Variants in UBR2 observed in about 807,000 individuals in gnomAD.
UBR2 encodes the protein E3 ubiquitin-protein ligase UBR2.
A neutral mutation model predicts 247.9 loss-of-function variants in UBR2; 92 were observed. That is an observed-to-expected ratio of 0.37 (90% CI 0.31 to 0.44). The LOEUF is 0.44. Ranked by LOEUF, UBR2 falls within the 20% of genes least tolerant of loss-of-function variation. The probability of loss-of-function intolerance (pLI) is 1.00; values close to 1 mark genes in which losing one functional copy is unlikely to be tolerated. For missense variants in UBR2, 1,613 were observed against 2,112.6 expected (o/e 0.76, Z 4.64); for synonymous variants, 672 against 693.5 (o/e 0.97, Z 0.49).
In UBR2 at chr6:42,652,584, C is replaced by T; in HGVS notation, c.2708C>T (p.Thr903Ile). The T allele has an allele frequency of 6.2e-7, 1 of 1,613,856 alleles. No homozygotes were observed. The highest frequency in any genetic ancestry group is 2.2e-5 in the East Asian group (1 of 44,854). The stretch of plus-strand genomic sequence containing the variant: ...GATGTCATGTTGTGCATCATGGGAA[C>T]AATTCTGCAATGGGCTGTGGAACAT... Reference protein sequence around the residue: ...QSDVMLCIMGTILQWAVEHNG... With the variant: ...QSDVMLCIMGIILQWAVEHNG... Residue 903 changes from threonine (T) to isoleucine (I), a missense_variant, in exon 25 of 47, where the codon ACA becomes ATA. Thr to Ile is a moderately conservative substitution (Grantham distance 89). Around this residue, in one of 3 missense-constraint regions of UBR2, gnomAD observed 1,524 missense variants for 1,967.3 expected, o/e 0.77. Coordinates refer to ENST00000372901, the MANE Select transcript of UBR2 (RefSeq NM_001363705.2).
rs140733318 is a variant in UBR2, at chr6:42,663,354, C to G, written c.3633C>G (p.Pro1211=). Residue 1211 remains proline, a synonymous_variant, in exon 32 of 47, where the codon CCC becomes CCG. Coordinates refer to ENST00000372901, the MANE Select transcript of UBR2 (RefSeq NM_001363705.2). ...TAGAAAACGGAGAATTCCTTTGCCC[C>G]CTTTGTGAATGCTTGAGTAATACTG... ...YDVENGEFLC[P]LCECLSNTVI... is the part of the protein sequence containing the mutation. 1.2e-4 allele frequency: 201 copies of G among 1,613,408 alleles called. No homozygotes were observed. Among genetic ancestry groups the G allele is most frequent in the Middle Eastern group, 4.9e-4 (3 of 6,080 alleles).
At chr6:42,613,505 C>T (rs955601834) in intron 8 of UBR2, among the ~76,000 whole-genome samples, 58 of 152,182 alleles carry the variant, frequency 3.8e-4, no homozygotes, top group Middle Eastern at 3.4e-3. Flanking sequence ...GACGATCCCT[C>T]GAGCCCAGGA....
Position 42,673,910 on chromosome 6 carries a change from C to T in UBR2, c.4183+23C>T, listed in dbSNP as rs548181462. 5.7e-6 allele frequency: 9 copies of T among 1,572,870 alleles called. No homozygotes were observed. The East Asian group carries it at 1.6e-4, about 27-fold the overall frequency. Reference sequence around the variant, plus strand: ...CATGTGAGTATTAATACATTTATAACATGTTGTAATTTTTCATCCTCTGAA... The same window carrying T: ...CATGTGAGTATTAATACATTTATAATATGTTGTAATTTTTCATCCTCTGAA... On this transcript the variant is annotated intron_variant, in intron 37 of 46. Transcript: ENST00000372901.
intron 11 of UBR2, chr6:42,619,566 TG>T: frequency 4.6e-6 from 1 of 219,560 alleles, no homozygotes; most frequent in Non-Finnish European, 8.8e-6. Context: ...CTGGCCAACA[TG>T]GTGAAACCCC....
At chr6:42,649,693 C>T (rs1796996732) in intron 22 of UBR2, among the ~76,000 whole-genome samples, 1 of 152,070 alleles carries the variant, frequency 6.6e-6, no homozygotes, top group South Asian at 2.1e-4. Flanking sequence ...TTTTTTCATA[C>T]TTTAATGCAT....
intron 2 of UBR2, among the ~76,000 whole-genome samples, chr6:42,584,640 A>C (rs1489943958): frequency 2.0e-5 from 3 of 152,210 alleles, no homozygotes; most frequent in African/African-American, 7.2e-5. Flanking sequence ...GAGTTTCCCA[A>C]GTCCATAAAC....
chr6:42,680,334 T>C (rs1197024066), intron 42 of UBR2, among the ~76,000 whole-genome samples: 1 of 152,218 alleles, frequency 6.6e-6, no homozygotes, highest in African/African-American at 2.4e-5. Flanking sequence ...GTAAACTTTT[T>C]GCCAAGCTAG....
intron 40 of UBR2, among the ~76,000 whole-genome samples, chr6:42,678,217 T>A (rs1174259095): frequency 6.6e-6 from 1 of 152,192 alleles, no homozygotes; most frequent in African/African-American, 2.4e-5. Context: ...GCACCTGTAG[T>A]CCCAGCTACT....
intron 2 of UBR2, among the ~76,000 whole-genome samples, chr6:42,582,638 A>C (rs1582448954): frequency 6.6e-6 from 1 of 152,112 alleles, no homozygotes; most frequent in Admixed American, 6.5e-5. Context: ...TTTTTTTAAC[A>C]AAACAGGAAG....
At chr6:42,567,765 C>T (rs1428427614) in intron 1 of UBR2, among the ~76,000 whole-genome samples, 2 of 151,800 alleles carry the variant, frequency 1.3e-5, no homozygotes, top group African/African-American at 4.8e-5. Context: ...GTTGGGAGCA[C>T]TGGCTCATGC....
chr6:42,649,268 C>G (rs1562357181), intron 22 of UBR2, among the ~76,000 whole-genome samples: 1 of 152,226 alleles, frequency 6.6e-6, no homozygotes, highest in African/African-American at 2.4e-5. Context: ...CTCGGCCTCT[C>G]AAAGTGCTGA....
intron 26 of UBR2, among the ~76,000 whole-genome samples, chr6:42,656,474 G>A (rs978246573): frequency 4.6e-5 from 7 of 152,084 alleles, no homozygotes; most frequent in African/African-American, 1.4e-4. Context: ...GTACCACCTC[G>A]CTTTCCAGCC....
chr6:42,677,280 A>G (rs1216711932), intron 40 of UBR2, among the ~76,000 whole-genome samples: 1 of 152,220 alleles, frequency 6.6e-6, no homozygotes, highest in African/African-American at 2.4e-5. Flanking sequence ...AATAAAATGA[A>G]ATTATTAGAA....
rs1271095888 is a variant in UBR2, at chr6:42,601,404, CT to C, written c.532-2182del. On this transcript the variant is annotated intron_variant, in intron 4 of 46. Coordinates refer to ENST00000372901, the MANE Select transcript of UBR2 (RefSeq NM_001363705.2). The stretch of plus-strand genomic sequence containing the variant: ...GCTAGCAGAAACAATAAATAAAAAA[CT>C]TCGCTGGGCGCGGCTGCTCACACCT... Among the ~76,000 whole-genome samples the C allele has an allele frequency of 3.0e-4, 45 of 152,220 alleles. 1 individual carries two copies. The highest frequency in any genetic ancestry group is 1.0e-3 in the African/African-American group (43 of 41,540).
At chr6:42,681,029 G>T (rs2151991738) in intron 42 of UBR2, among the ~76,000 whole-genome samples, 1 of 152,234 alleles carries the variant, frequency 6.6e-6, no homozygotes, top group Admixed American at 6.5e-5. Flanking sequence ...CAGGTGTGTT[G>T]GTAGGTGCCT....
chr6:42,661,433 C>G (rs568777843), intron 30 of UBR2, among the ~76,000 whole-genome samples: 3 of 152,164 alleles, frequency 2.0e-5, no homozygotes, highest in South Asian at 2.1e-4. Context: ...GACATTTGCA[C>G]TGTTCTAGTG....
intron 11 of UBR2, among the ~76,000 whole-genome samples, chr6:42,617,895 C>T (rs1176992982): frequency 2.6e-5 from 4 of 152,202 alleles, no homozygotes; most frequent in African/African-American, 9.6e-5. Flanking sequence ...CCTCCCACCT[C>T]CCTCCCAAAA....
At chr6:42,618,876 G>C (rs1034713120) in intron 11 of UBR2, among the ~76,000 whole-genome samples, 1 of 152,238 alleles carries the variant, frequency 6.6e-6, no homozygotes, top group African/African-American at 2.4e-5. Flanking sequence ...TGTCGGGTTT[G>C]AAGAAGCATA....
rs151196505 is a variant in UBR2, at chr6:42,643,574, C to T, written c.2098-640C>T. On this transcript the variant is annotated intron_variant, in intron 18 of 46. Transcript: ENST00000372901. Reference sequence around the variant, plus strand: ...TCACTCCACTGGACTCCAACCTGGGCGACAGAGTGAGACTCCGTCTCAAAA... The same window carrying T: ...TCACTCCACTGGACTCCAACCTGGGTGACAGAGTGAGACTCCGTCTCAAAA... 4.2e-3 allele frequency among the ~76,000 whole-genome samples: 637 copies of T among 151,722 alleles called. 1 individual carries two copies. Among genetic ancestry groups the T allele is most frequent in the African/African-American group, 0.014 (591 of 41,322 alleles).
Sources: gnomAD v4.1 joint callset for allele counts (sites outside exome capture counted in the v4.1 genomes callset) on GRCh38, gnomAD v4.1.1 for gene constraint, gnomAD v4.1.1 regional missense constraint, MANE v1.5 for transcripts, NCBI Gene and HGNC (gene_info 2026-07-23, HGNC 2026-07-21) for gene names.